The following CRLF1 variants were observed in gnomAD, a reference collection of about 807,000 sequenced individuals.
The protein encoded by CRLF1 is cytokine receptor like factor 1, also known as cytokine receptor-like factor 1.
CRLF1 carries 36 observed loss-of-function variants against 48.9 expected under a neutral mutation model. The observed-to-expected ratio is 0.74, with a 90% CI of 0.56 to 0.97. The LOEUF (loss-of-function observed/expected upper bound fraction) is 0.97. Ranked by LOEUF, CRLF1 falls within the 50% of genes least tolerant of loss-of-function variation. CRLF1 has a pLI of 0.00. For missense variants in CRLF1, 534 were observed against 575.1 expected (o/e 0.93, Z 0.73); for synonymous variants, 256 against 253.4 (o/e 1.01, Z -0.10).
Position 18,593,546 on chromosome 19 carries a change from GT to G in CRLF1, c.*19del. The stretch of plus-strand genomic sequence containing the variant: ...TCTGCGTCTCCACGTGGCAGGGAGG[GT>G]GGCCTGAGCCCCTACAGCTTATCTG... On this transcript the variant is annotated 3_prime_UTR_variant, in exon 9 of 9. Coordinates refer to ENST00000392386, the MANE Select transcript of CRLF1 (RefSeq NM_004750.5). The G allele has an allele frequency of 6.2e-7, 1 of 1,610,648 alleles. No homozygotes were observed. The highest frequency in any genetic ancestry group is 8.5e-7 in the Non-Finnish European group (1 of 1,178,942).
intron 8 of CRLF1, 54 bp downstream of exon 8, chr19:18,594,011 C>A: frequency 1.3e-6 from 2 of 1,538,786 alleles, no homozygotes; most frequent in Non-Finnish European, 1.8e-6. Flanking sequence ...CTGCAGCCAC[C>A]GGAAGGGGCC....
intron 1 of CRLF1, among the ~76,000 whole-genome samples, chr19:18,604,601 C>T (rs1976265626): frequency 1.3e-5 from 2 of 152,206 alleles, no homozygotes; most frequent in African/African-American, 2.4e-5. Flanking sequence ...TCCCGGCTGA[C>T]TAGGCACTCC....
rs940332918 is a variant in CRLF1, at chr19:18,606,461, GC to G, written c.115+80del. ...CCCCGGCCGTCCAGGTGGCGCCCGC[GC>G]CCCCTCCCCCCGCGGCTGCCCCCGG... On this transcript the variant is annotated intron_variant, in intron 1 of 8. Coordinates refer to ENST00000392386, the MANE Select transcript of CRLF1 (RefSeq NM_004750.5). The surrounding 1 kb of genome is among the most constrained non-coding windows in gnomAD (Gnocchi z 4.8). The G allele has an allele frequency of 1.9e-6, 2 of 1,031,266 alleles. No individual in the cohort carries two copies. Among genetic ancestry groups the G allele is most frequent in the Non-Finnish European group, 2.3e-6 (2 of 853,082 alleles). 63.9% of individuals were successfully genotyped at this position (1,031,266 alleles called of 1,614,324 possible).
intron 4 of CRLF1, 152 bp from the exon 5 acceptor site, chr19:18,597,201 G>A (rs1382650580): frequency 7.1e-6 from 5 of 703,694 alleles, no homozygotes; most frequent in African/African-American, 1.8e-5. Flanking sequence ...TGGATTACAC[G>A]ATATATAATA....
chr19:18,601,390 C>T (rs749696178), intron 1 of CRLF1, among the ~76,000 whole-genome samples: 18 of 152,124 alleles, frequency 1.2e-4, no homozygotes, highest in East Asian at 1.9e-4. Flanking sequence ...GATTCTCCTG[C>T]GTCAGCCTCC....
chr19:18,594,430 G>A lies in CRLF1; in HGVS notation c.1029C>T (p.Arg343=). 1.3e-6 allele frequency: 2 copies of A among 1,483,256 alleles called. No individual in the cohort carries two copies. The highest frequency in any genetic ancestry group is 1.4e-5 in the African/African-American group (1 of 69,894). 91.9% of individuals were successfully genotyped at this position (1,483,256 alleles called of 1,614,324 possible). The change falls in exon 7 of 9, where the codon CGC becomes CGT. Residue 343 remains arginine (R), a synonymous_variant. Transcript: ENST00000392386. ...CGCACGCCCCGCCGCCCGGGCCCGG[G>A]CGCTCTGGTGGTGGGCGGAGCGGCA... is the stretch of plus-strand genomic sequence containing the variant. ...PTAASTPRSE[R]PGPGGGACEP... is the part of the protein sequence containing the mutation.
chr19:18,601,772 G>A (rs1200711165), intron 1 of CRLF1, among the ~76,000 whole-genome samples: 1 of 152,070 alleles, frequency 6.6e-6, no homozygotes, highest in East Asian at 1.9e-4. Context: ...CATTTTCTCG[G>A]CCAATCCTGC....
chr19:18,594,032 T>TTGGCCACC, intron 8 of CRLF1, 33 bp downstream of exon 8: 2 of 695,812 alleles, frequency 2.9e-6, no homozygotes, highest in Non-Finnish European at 4.4e-6. Context: ...CTCCCCTTGC[T>TTGGCCACC]CCCTCCCGCC....
At chr19:18,603,773 G>A (rs1038241903) in intron 1 of CRLF1, among the ~76,000 whole-genome samples, 2 of 152,140 alleles carry the variant, frequency 1.3e-5, no homozygotes, top group Non-Finnish European at 2.9e-5. Context: ...GCTCTGTCTC[G>A]CTGGAGCCTG....
chr19:18,598,502 G>C lies in CRLF1; in HGVS notation c.627C>G (p.Ile209Met). The change falls in exon 4 of 9, where the codon ATC becomes ATG. Residue 209 changes from isoleucine to methionine, a missense_variant. By Grantham distance (10) the Ile-to-Met change is conservative. Coordinates refer to ENST00000392386, the MANE Select transcript of CRLF1 (RefSeq NM_004750.5). ...KDLALFTPYE[I>M]WVEATNRLGS... ...CCAGGCGGTTGGTGGCCTCCACCCA[G>C]ATCTCATAGGGCGTAAAGAGAGCCA... The C allele has an allele frequency of 6.2e-7, 1 of 1,614,150 alleles. No homozygotes were observed. The highest frequency in any genetic ancestry group is 8.5e-7 in the Non-Finnish European group (1 of 1,180,002).
At chr19:18,603,258 G>A (rs2145335915) in intron 1 of CRLF1, among the ~76,000 whole-genome samples, 1 of 152,374 alleles carries the variant, frequency 6.6e-6, no homozygotes, top group South Asian at 2.1e-4. Flanking sequence ...CAATAACTAG[G>A]GGAGAAAGTA....
Position 18,596,656 on chromosome 19 carries a change from CCACT to C in CRLF1, c.986_989del (p.Glu329GlyfsTer96), listed in dbSNP as rs756815834. The C allele has an allele frequency of 6.2e-7, 1 of 1,613,848 alleles. No homozygotes were observed. The highest frequency in any genetic ancestry group is 8.5e-7 in the Non-Finnish European group (1 of 1,179,964). ...GAGTGGAGGCGGCTGTGGGGTGGCT[CCACT>C]CACTCCAGATCCCGGCTTTCTTGGA... is the stretch of plus-strand genomic sequence containing the variant. On this transcript the variant is annotated frameshift_variant, in exon 6 of 9. Transcript: ENST00000392386. LOFTEE classifies it high-confidence loss of function.
intron 6 of CRLF1, among the ~76,000 whole-genome samples, chr19:18,596,406 G>C (rs1976132615): frequency 6.6e-6 from 1 of 152,178 alleles, no homozygotes; most frequent in Admixed American, 6.5e-5. Context: ...TGTGCATGTT[G>C]GCGCGTGCCT....
intron 1 of CRLF1, among the ~76,000 whole-genome samples, chr19:18,604,332 C>A (rs1182099991): frequency 1.3e-5 from 2 of 152,218 alleles, no homozygotes. Context: ...AGACCAATCT[C>A]CCACCCCCTT....
intron 8 of CRLF1, 75 bp from the exon 9 acceptor site, chr19:18,593,654 T>C (rs1976086431): frequency 6.4e-7 from 1 of 1,556,196 alleles, no homozygotes; most frequent in Non-Finnish European, 8.7e-7. Flanking sequence ...TGAAGGAGGC[T>C]TCATTCGTGT....
intron 8 of CRLF1, 34 bp downstream of exon 8, chr19:18,594,031 C>CGGGGGGGGGG: frequency 3.1e-6 from 4 of 1,299,848 alleles, no homozygotes; most frequent in Non-Finnish European, 4.2e-6. Context: ...CCTCCCCTTG[C>CGGGGGGGGGG]TCCCTCCCGC....
intron 1 of CRLF1, among the ~76,000 whole-genome samples, chr19:18,605,488 G>A (rs545268826): frequency 3.3e-5 from 5 of 152,350 alleles, no homozygotes; most frequent in African/African-American, 1.2e-4. Flanking sequence ...TGGGGCGAGT[G>A]GTGCCTGCCT....
chr19:18,605,218 A>T (rs1006895480), intron 1 of CRLF1, among the ~76,000 whole-genome samples: 1 of 151,644 alleles, frequency 6.6e-6, no homozygotes, highest in Non-Finnish European at 1.5e-5. Context: ...TGGCACTCAC[A>T]GGCGCTGCCC....
In CRLF1 at chr19:18,594,263, T is replaced by C; in HGVS notation, c.1196A>G (p.His399Arg). ...CCTTCCTACCTGGTTGCGGGTCTTG[T>C]GCGACTTCTGCATCCAGGCTCGCCA... Reference protein sequence around the residue: ...DQWRAWMQKSHKTRNQDEGIL... With the variant: ...DQWRAWMQKSRKTRNQDEGIL... The change falls in exon 7 of 9, where the codon CAC (histidine) becomes CGC (arginine). Residue 399 changes from histidine (H) to arginine (R), a missense_variant. His to Arg is a conservative substitution (Grantham distance 29, BLOSUM62 0). This residue lies in a region of CRLF1 where 528 missense variants were observed against 555.7 expected (regional missense o/e 0.95). Transcript: ENST00000392386. 6.2e-7 allele frequency: 1 copy of C among 1,612,308 alleles called. No individual in the cohort carries two copies. The highest frequency in any genetic ancestry group is 8.5e-7 in the Non-Finnish European group (1 of 1,179,794).
Sources: gnomAD v4.1 joint callset for allele counts (sites outside exome capture counted in the v4.1 genomes callset) on GRCh38, gnomAD v4.1.1 for gene constraint, gnomAD v4.1.1 regional missense constraint, Gnocchi (gnomAD v3.1) non-coding constraint, MANE v1.5 for transcripts, NCBI Gene and HGNC (gene_info 2026-07-23, HGNC 2026-07-21) for gene names.